WWOX: variants seen among roughly 807,000 people sequenced by gnomAD.
WWOX encodes the protein WW domain containing oxidoreductase, also known as WW domain-containing oxidoreductase.
A neutral mutation model predicts 46.2 loss-of-function variants in WWOX; 69 were observed. That is an observed-to-expected ratio of 1.49 (90% CI 1.23 to 1.82). The LOEUF is 1.82. Among genes scored for constraint, WWOX ranks in the 40% most tolerant of loss-of-function variants. The probability of loss-of-function intolerance (pLI) is 0.00; values close to 1 mark genes in which losing one functional copy is unlikely to be tolerated. For synonymous variants in WWOX, 359 were observed against 202.6 expected (o/e 1.77, Z -6.56); for missense variants, 919 against 542.6 (o/e 1.69, Z -6.89).
At chr16:78,974,824 C>G (rs1490054803) in intron 8 of WWOX, among the ~76,000 whole-genome samples, 2 of 152,146 alleles carry the variant, frequency 1.3e-5, no homozygotes, top group Non-Finnish European at 2.9e-5. Flanking sequence ...ACAACCTAAG[C>G]CGGGAAGCAG....
intron 5 of WWOX, among the ~76,000 whole-genome samples, chr16:78,205,776 CT>C (rs1414056654): frequency 6.6e-6 from 1 of 152,020 alleles, no homozygotes; most frequent in Non-Finnish European, 1.5e-5. Context: ...CCCCACCCAC[CT>C]ATCCTTCACC....
Position 78,389,536 on chromosome 16 carries a change from C to T in WWOX, c.605+2588C>T, listed in dbSNP as rs552481700. Among the ~76,000 whole-genome samples the T allele has an allele frequency of 9.2e-5, 14 of 152,176 alleles. No homozygotes were observed. The South Asian group carries it at 2.3e-3, about 25-fold the overall frequency. On this transcript the variant is annotated intron_variant, in intron 6 of 8. Transcript: ENST00000566780. ...ATTTACTGAGGGCTTATGGGCCATA[C>T]GTGGAAAATATTTTGCATGTATGTT...
chr16:78,518,385 A>C (rs1314575572), intron 8 of WWOX, among the ~76,000 whole-genome samples: 1 of 151,806 alleles, frequency 6.6e-6, no homozygotes, highest in Non-Finnish European at 1.5e-5. Context: ...GCACCTGGCT[A>C]ATTTTTGTAT....
At chr16:79,025,599 C>T (rs996238903) in intron 8 of WWOX, among the ~76,000 whole-genome samples, 4 of 152,078 alleles carry the variant, frequency 2.6e-5, no homozygotes, top group African/African-American at 7.2e-5. Context: ...TCAGAGCCCC[C>T]AGAAGGAACT....
intron 8 of WWOX, among the ~76,000 whole-genome samples, chr16:78,497,014 G>A (rs1396548068): frequency 1.3e-5 from 2 of 152,234 alleles, no homozygotes; most frequent in East Asian, 1.9e-4. Context: ...GGAAACTTTG[G>A]AGGAAGGCAA....
intron 5 of WWOX, among the ~76,000 whole-genome samples, chr16:78,178,559 T>C (rs1378496096): frequency 2.6e-5 from 4 of 152,300 alleles, no homozygotes; most frequent in Non-Finnish European, 4.4e-5. Flanking sequence ...GGAATTCGCA[T>C]AGTGACATTT....
chr16:78,579,715 ACTT>A (rs750240476), intron 8 of WWOX, among the ~76,000 whole-genome samples: 47 of 152,318 alleles, frequency 3.1e-4, no homozygotes, highest in Non-Finnish European at 2.4e-4. Context: ...GTGTGTTTTC[ACTT>A]CTTCTTTCTT....
In WWOX at chr16:78,634,125, A is replaced by G. The variant is rs768759696; in HGVS notation, c.1056+201373A>G. 5.7e-4 allele frequency among the ~76,000 whole-genome samples: 86 copies of G among 152,154 alleles called. 1 individual carries two copies. The highest frequency in any genetic ancestry group is 9.4e-4 in the Non-Finnish European group (64 of 68,028). On this transcript the variant is annotated intron_variant, in intron 8 of 8. Transcript: ENST00000566780. Reference sequence around the variant, plus strand: ...GCAGCTATATGACTCTGTACCAGAGAGAGACCTTTTTGTACATTTGGAATA... The same window carrying G: ...GCAGCTATATGACTCTGTACCAGAGGGAGACCTTTTTGTACATTTGGAATA...
intron 8 of WWOX, among the ~76,000 whole-genome samples, chr16:78,457,574 T>G (rs2083849072): frequency 6.6e-6 from 1 of 152,086 alleles, no homozygotes; most frequent in Admixed American, 6.5e-5. Context: ...TTTATAAGAC[T>G]CTGCATTTAC....
At chr16:78,486,997 C>T (rs1285832587) in intron 8 of WWOX, among the ~76,000 whole-genome samples, 1 of 152,186 alleles carries the variant, frequency 6.6e-6, no homozygotes, top group African/African-American at 2.4e-5. Context: ...AGCTGCTTCG[C>T]ATCCTGCTAA....
intron 8 of WWOX, among the ~76,000 whole-genome samples, chr16:79,045,092 T>C (rs1458881306): frequency 6.6e-6 from 1 of 152,248 alleles, no homozygotes; most frequent in African/African-American, 2.4e-5. Flanking sequence ...TGTTAGATTT[T>C]GCCTCAAATT....
intron 5 of WWOX, among the ~76,000 whole-genome samples, chr16:78,259,443 C>T (rs2038220948): frequency 6.6e-6 from 1 of 151,876 alleles, no homozygotes; most frequent in South Asian, 2.1e-4. Context: ...TCTCCTGCCT[C>T]AGTCTGCCGA....
rs1363959655 is a variant in WWOX, at chr16:78,109,673, G to C, written c.173-105G>C. The C allele has an allele frequency of 7.1e-6, 8 of 1,120,906 alleles. No homozygotes were observed. The Admixed American group carries it at 1.5e-4, about 21-fold the overall frequency. The allele number at this position is 1,120,906 out of a possible 1,614,324, so 69.4% of individuals were successfully genotyped here. On this transcript the variant is annotated intron_variant, in intron 2 of 8. Coordinates refer to ENST00000566780, the MANE Select transcript of WWOX (RefSeq NM_016373.4). ...TTGATGTGACAACTGCTGGGTGGGA[G>C]GGACAGGCTTGGGGGCGGGGCTGGG...
chr16:78,767,530 C>T (rs1373931083), intron 8 of WWOX, among the ~76,000 whole-genome samples: 2 of 151,532 alleles, frequency 1.3e-5, no homozygotes, highest in Non-Finnish European at 2.9e-5. Flanking sequence ...CTCCTATGAA[C>T]ATTGTACCAA....
intron 8 of WWOX, among the ~76,000 whole-genome samples, chr16:79,039,149 G>T (rs986033182): frequency 6.6e-6 from 1 of 152,078 alleles, no homozygotes; most frequent in Non-Finnish European, 1.5e-5. Context: ...TGTAGCTGGG[G>T]AATTCTTTTT....
At chr16:78,633,768 C>G (rs1347866600) in intron 8 of WWOX, among the ~76,000 whole-genome samples, 1 of 152,200 alleles carries the variant, frequency 6.6e-6, no homozygotes, top group African/African-American at 2.4e-5. Context: ...ATCAAGAGGA[C>G]TCCAGGCTGT....
intron 4 of WWOX, among the ~76,000 whole-genome samples, chr16:78,161,396 TC>T (rs1442935618): frequency 6.6e-6 from 1 of 152,110 alleles, no homozygotes; most frequent in East Asian, 1.9e-4. Context: ...TTCTCTTTTT[TC>T]TTTTCCTTTT....
intron 8 of WWOX, among the ~76,000 whole-genome samples, chr16:78,600,784 C>T (rs1280222204): frequency 2.6e-5 from 4 of 152,196 alleles, no homozygotes; most frequent in Non-Finnish European, 5.9e-5. Context: ...GTACAGCCAT[C>T]TTGGGAGTGC....
At chr16:78,545,428 G>A (rs909050871) in intron 8 of WWOX, among the ~76,000 whole-genome samples, 1 of 152,126 alleles carries the variant, frequency 6.6e-6, no homozygotes, top group Admixed American at 6.6e-5. Flanking sequence ...ATGTTGCCCA[G>A]GTTGGCCTCA....
Sources: gnomAD v4.1 joint callset for allele counts (sites outside exome capture counted in the v4.1 genomes callset) on GRCh38, gnomAD v4.1.1 for gene constraint, MANE v1.5 for transcripts, NCBI Gene and HGNC (gene_info 2026-07-23, HGNC 2026-07-21) for gene names.